Variants in INPP4B observed in about 807,000 individuals in gnomAD.
INPP4B encodes inositol polyphosphate-4-phosphatase type II B.
A neutral mutation model predicts 122.5 loss-of-function variants in INPP4B; 55 were observed. The ratio of observed to expected loss-of-function variants is 0.45; its 90% CI spans 0.36 to 0.56. The LOEUF (loss-of-function observed/expected upper bound fraction) is 0.56, where lower values mean the gene tolerates loss of function less well. INPP4B is among the 20% of genes least tolerant of loss of function. INPP4B has a pLI of 0.00. For missense variants in INPP4B, 1,000 were observed against 1,097.7 expected (o/e 0.91, Z 1.26); for synonymous variants, 403 against 388.7 (o/e 1.04, Z -0.43).
intron 25 of INPP4B, among the ~76,000 whole-genome samples, chr4:142,068,741 T>C (rs1765172076): frequency 6.6e-6 from 1 of 152,176 alleles, no homozygotes; most frequent in South Asian, 2.1e-4. Flanking sequence ...AAGAAGGCCA[T>C]TACATAATGG....
At chr4:142,346,224 G>A (rs779557446) in intron 7 of INPP4B, among the ~76,000 whole-genome samples, 10 of 151,964 alleles carry the variant, frequency 6.6e-5, no homozygotes, top group East Asian at 1.9e-4. Flanking sequence ...ATTCTCATTC[G>A]TTTCCAAGAG....
intron 2 of INPP4B, among the ~76,000 whole-genome samples, chr4:142,637,316 C>A (rs535951260): frequency 6.6e-6 from 1 of 151,876 alleles, no homozygotes; most frequent in African/African-American, 2.4e-5. Flanking sequence ...GGTTTCATTG[C>A]CCCCCGCAAA....
chr4:142,766,826 C>A (rs559315778), intron 1 of INPP4B: 1 of 152,110 alleles, frequency 6.6e-6, no homozygotes, highest in Non-Finnish European at 1.5e-5. Context: ...ATGACACCAG[C>A]ATCTGAAATT....
intron 7 of INPP4B, among the ~76,000 whole-genome samples, chr4:142,353,548 C>T (rs544464106): frequency 6.6e-6 from 1 of 151,976 alleles, no homozygotes; most frequent in Non-Finnish European, 1.5e-5. Flanking sequence ...AAATCTCTGC[C>T]CTGGCAAACT....
At chr4:142,545,713 G>GTATATACACATATGTA (rs1829487877) in intron 2 of INPP4B, among the ~76,000 whole-genome samples, 1 of 118,066 alleles carries the variant, frequency 8.5e-6, no homozygotes, top group Non-Finnish European at 1.6e-5. Flanking sequence ...ATATATGTGT[G>GTATATACACATATGTA]TGTATATGTG....
intron 1 of INPP4B, among the ~76,000 whole-genome samples, chr4:142,781,889 A>G (rs1425354765): frequency 1.3e-5 from 2 of 152,094 alleles, no homozygotes; most frequent in Non-Finnish European, 1.5e-5. Context: ...TACTACAGAA[A>G]GTCCATTGCT....
At chr4:142,140,201 G>A (rs959475102) in intron 18 of INPP4B, among the ~76,000 whole-genome samples, 1 of 152,206 alleles carries the variant, frequency 6.6e-6, no homozygotes, top group Non-Finnish European at 1.5e-5. Flanking sequence ...TTTGAAAGAA[G>A]CAGTGATGAC....
chr4:142,559,098 G>C (rs961119443), intron 2 of INPP4B, among the ~76,000 whole-genome samples: 1 of 152,132 alleles, frequency 6.6e-6, no homozygotes, highest in Non-Finnish European at 1.5e-5. Context: ...ACACAACTCT[G>C]GAATTTTTGC....
At chr4:142,776,206 C>G (rs1026176395) in intron 1 of INPP4B, among the ~76,000 whole-genome samples, 1 of 152,092 alleles carries the variant, frequency 6.6e-6, no homozygotes, top group Non-Finnish European at 1.5e-5. Context: ...GGTCTACTAC[C>G]CACTCACTTT....
chr4:142,313,575 A>G (rs908745070), intron 8 of INPP4B, among the ~76,000 whole-genome samples: 1 of 152,186 alleles, frequency 6.6e-6, no homozygotes, highest in South Asian at 2.1e-4. Context: ...ACAGAGGTCC[A>G]TCTGCCTGTG....
chr4:142,503,554 G>A (rs1823649667), intron 2 of INPP4B, among the ~76,000 whole-genome samples: 1 of 152,012 alleles, frequency 6.6e-6, no homozygotes, highest in South Asian at 2.1e-4. Context: ...TAGTTGGGAA[G>A]ACATAGTATG....
intron 2 of INPP4B, among the ~76,000 whole-genome samples, chr4:142,522,498 C>T (rs1332088422): frequency 6.6e-6 from 1 of 151,928 alleles, no homozygotes; most frequent in African/African-American, 2.4e-5. Context: ...GTAATCAACA[C>T]CACTCCTGGC....
intron 7 of INPP4B, among the ~76,000 whole-genome samples, chr4:142,363,216 T>C (rs890912651): frequency 6.6e-6 from 1 of 151,990 alleles, no homozygotes; most frequent in African/African-American, 2.4e-5. Flanking sequence ...ATGACAAGTT[T>C]TCAAATTATT....
At chr4:142,108,708 G>A (rs186545852) in intron 22 of INPP4B, among the ~76,000 whole-genome samples, 12 of 152,118 alleles carry the variant, frequency 7.9e-5, no homozygotes, top group East Asian at 3.9e-4. Context: ...CATTTCTGCC[G>A]ACATTTTTTT....
chr4:142,536,099 C>T (rs1485135890), intron 2 of INPP4B, among the ~76,000 whole-genome samples: 1 of 152,170 alleles, frequency 6.6e-6, no homozygotes, highest in African/African-American at 2.4e-5. Flanking sequence ...GAGGTCTCAT[C>T]ACTATATAAT....
At chr4:142,833,079 A>G (rs747808466) in intron 1 of INPP4B, among the ~76,000 whole-genome samples, 1 of 151,272 alleles carries the variant, frequency 6.6e-6, no homozygotes, top group Non-Finnish European at 1.5e-5. Flanking sequence ...AGTTTGGAAG[A>G]CTCAAGTTTT....
intron 25 of INPP4B, among the ~76,000 whole-genome samples, chr4:142,074,389 TAA>T (rs1228548110): frequency 6.6e-6 from 1 of 152,086 alleles, no homozygotes; most frequent in Non-Finnish European, 1.5e-5. Context: ...ATCAGATGGT[TAA>T]AAACTCTTAC....
intron 1 of INPP4B, among the ~76,000 whole-genome samples, chr4:142,821,113 A>C (rs1457884489): frequency 6.6e-6 from 1 of 152,092 alleles, no homozygotes; most frequent in African/African-American, 2.4e-5. Context: ...TCCTTTGGTC[A>C]GTTATTTCTC....
At chr4:142,181,825 AC>A (rs201890827) in intron 15 of INPP4B, among the ~76,000 whole-genome samples, 605 of 152,332 alleles carry the variant, frequency 4.0e-3, no homozygotes, top group Non-Finnish European at 6.0e-3. Flanking sequence ...AAATATTTTT[AC>A]TGACTACTAG....
Sources: allele counts gnomAD v4.1 joint callset (sites outside exome capture counted in the v4.1 genomes callset), GRCh38; gene constraint gnomAD v4.1.1; transcripts MANE v1.5; gene names NCBI Gene and HGNC (gene_info 2026-07-23, HGNC 2026-07-21).